Variants in KHDRBS3 observed in about 807,000 individuals in gnomAD.
KHDRBS3 encodes KH domain-containing, RNA-binding, signal transduction-associated protein 3.
In KHDRBS3, 23 loss-of-function variants were observed where a neutral mutation model predicts 45.6. That is an observed-to-expected ratio of 0.50 (90% CI 0.36 to 0.72). The LOEUF (loss-of-function observed/expected upper bound fraction) is 0.72, where lower values mean the gene tolerates loss of function less well. KHDRBS3 is among the 30% of genes least tolerant of loss of function. KHDRBS3 has a pLI of 0.00. For synonymous variants in KHDRBS3, 162 were observed against 156.5 expected (o/e 1.04, Z -0.26); for missense variants, 352 against 424.8 (o/e 0.83, Z 1.51).
At chr8:135,562,167 A>G (rs72732363) in intron 5 of KHDRBS3, among the ~76,000 whole-genome samples, 1 of 152,110 alleles carries the variant, frequency 6.6e-6, no homozygotes, top group South Asian at 2.1e-4. Context: ...ACCCAGAACA[A>G]CTTCCAGTCT....
intron 5 of KHDRBS3, among the ~76,000 whole-genome samples, chr8:135,558,765 C>T (rs1220575875): frequency 1.9e-5 from 2 of 106,052 alleles, no homozygotes; most frequent in Non-Finnish European, 3.7e-5. Flanking sequence ...GCTGCTGTGA[C>T]AAATTACCAC....
At position 135,631,567 on chromosome 8, in the gene KHDRBS3, G is replaced by C. The variant is rs112898016; in HGVS notation, c.891-13492G>C. Among the ~76,000 whole-genome samples the C allele has an allele frequency of 5.5e-3, 834 of 152,104 alleles. 7 individuals are homozygous for C. The highest frequency in any genetic ancestry group is 0.018 in the African/African-American group (760 of 41,488). On this transcript the variant is annotated intron_variant, in intron 7 of 8. Transcript: ENST00000355849. The stretch of plus-strand genomic sequence containing the variant: ...TCTACCTCCACATCTTGTGCCTCTG[G>C]AAGATCTTTAGGGACAGTAACATGC...
intron 6 of KHDRBS3, among the ~76,000 whole-genome samples, chr8:135,587,515 G>A (rs898751108): frequency 1.3e-5 from 2 of 152,064 alleles, no homozygotes; most frequent in Non-Finnish European, 2.9e-5. Flanking sequence ...GGGACCTTCC[G>A]CTCTACTTTT....
intron 1 of KHDRBS3, among the ~76,000 whole-genome samples, chr8:135,471,490 G>C (rs1822011262): frequency 6.6e-6 from 1 of 152,220 alleles, no homozygotes; most frequent in South Asian, 2.1e-4. Context: ...CCTGCTTAAA[G>C]AGTGTTCAGC....
At position 135,553,362 on chromosome 8, in the gene KHDRBS3, C is replaced by T. The variant is rs562324719; in HGVS notation, c.472-4086C>T. 1.2e-4 allele frequency among the ~76,000 whole-genome samples: 18 copies of T among 152,192 alleles called. No individual in the cohort carries two copies. The South Asian group carries it at 3.7e-3, about 32-fold the overall frequency. On this transcript the variant is annotated intron_variant, in intron 4 of 8. Transcript: ENST00000355849. ...TTTATTTTGCTTTTTATGGGGGAGG[C>T]TTTGCTGAGCTCCTCCCTTAGCTGT...
At chr8:135,487,020 C>G (rs928562359) in intron 1 of KHDRBS3, among the ~76,000 whole-genome samples, 1 of 152,152 alleles carries the variant, frequency 6.6e-6, no homozygotes, top group African/African-American at 2.4e-5. Context: ...CTATTTAAAA[C>G]AAATTTTCTT....
chr8:135,522,915 G>A (rs1563741334), intron 2 of KHDRBS3, among the ~76,000 whole-genome samples: 1 of 152,082 alleles, frequency 6.6e-6, no homozygotes, highest in Non-Finnish European at 1.5e-5. Context: ...GTTGAAAGAT[G>A]TTTCCCTCCA....
intron 3 of KHDRBS3, among the ~76,000 whole-genome samples, chr8:135,544,635 G>A (rs1028108783): frequency 1.3e-5 from 2 of 152,150 alleles, no homozygotes; most frequent in Admixed American, 6.5e-5. Flanking sequence ...GGATTAAGGT[G>A]CTCTAGCATC....
At chr8:135,633,732 C>T (rs541580629) in intron 7 of KHDRBS3, among the ~76,000 whole-genome samples, 21 of 152,204 alleles carry the variant, frequency 1.4e-4, no homozygotes, top group Non-Finnish European at 2.5e-4. Flanking sequence ...ATTTTTGCCA[C>T]AGTCCTAGAT....
chr8:135,602,562 T>A (rs1829263403), intron 6 of KHDRBS3, among the ~76,000 whole-genome samples: 1 of 142,646 alleles, frequency 7.0e-6, no homozygotes, highest in South Asian at 2.5e-4. Context: ...AACAGTATAC[T>A]GCTTAATATT....
At chr8:135,526,191 T>C (rs1338636105) in intron 2 of KHDRBS3, among the ~76,000 whole-genome samples, 1 of 152,094 alleles carries the variant, frequency 6.6e-6, no homozygotes, top group Non-Finnish European at 1.5e-5. Flanking sequence ...CACCTGACAA[T>C]GCATTTCTCG....
At position 135,641,695 on chromosome 8, in the gene KHDRBS3, G is replaced by A. The variant is rs563273974; in HGVS notation, c.891-3364G>A. ...GGCAGATGAACAGGAAGACTCCCAC[G>A]TGGAAGCCACACTCCCAAGGTGGCA... is the stretch of plus-strand genomic sequence containing the variant. On this transcript the variant is annotated intron_variant, in intron 7 of 8. Coordinates refer to ENST00000355849, the MANE Select transcript of KHDRBS3 (RefSeq NM_006558.3). Among the ~76,000 whole-genome samples, 363 of 152,324 alleles carry A rather than the reference G, an allele frequency of 2.4e-3. 1 individual carries two copies. Among genetic ancestry groups the A allele is most frequent in the African/African-American group, 8.5e-3 (352 of 41,568 alleles).
intron 1 of KHDRBS3, among the ~76,000 whole-genome samples, chr8:135,475,334 G>A (rs111901888): frequency 1.6e-4 from 24 of 151,948 alleles, no homozygotes; most frequent in African/African-American, 3.9e-4. Flanking sequence ...TTTTTGAGAC[G>A]GAGTTTCGCT....
intron 1 of KHDRBS3, among the ~76,000 whole-genome samples, chr8:135,506,885 T>C: frequency 1.4e-5 from 1 of 70,258 alleles, no homozygotes; most frequent in East Asian, 8.4e-4. Flanking sequence ...ACAAAACTAC[T>C]TTTGTTATAA....
chr8:135,458,184 G>C, intron 1 of KHDRBS3: 1 of 1,311,638 alleles, frequency 7.6e-7, no homozygotes, highest in Non-Finnish European at 9.7e-7. Context: ...GGGCGCATGG[G>C]TGAGACTTGA....
intron 4 of KHDRBS3, among the ~76,000 whole-genome samples, chr8:135,555,928 C>A (rs1266195023): frequency 6.6e-6 from 1 of 152,152 alleles, no homozygotes; most frequent in South Asian, 2.1e-4. Flanking sequence ...ATGTTCCCCT[C>A]ACTGTGTCCA....
chr8:135,583,119 G>GAGGT (rs1828294957), intron 6 of KHDRBS3, among the ~76,000 whole-genome samples: 1 of 151,804 alleles, frequency 6.6e-6, no homozygotes. Flanking sequence ...GGGAAATTTA[G>GAGGT]AGGTGGTAAT....
chr8:135,536,985 AAAAAAAAAAAAAGG>A (rs1477270313), intron 2 of KHDRBS3, among the ~76,000 whole-genome samples: 12,567 of 68,662 alleles, frequency 0.18, 1,895 homozygotes, highest in East Asian at 0.52. Context: ...AAAAAAAAAA[AAAAAAAAAAAAAGG>A]AGATGTTTAG....
At chr8:135,572,937 G>T (rs552616394) in intron 5 of KHDRBS3, among the ~76,000 whole-genome samples, 48 of 152,310 alleles carry the variant, frequency 3.2e-4, no homozygotes, top group African/African-American at 1.2e-3. Context: ...TCTCAGAAAA[G>T]CTCTCTCACA....
Sources: gnomAD v4.1 joint callset for allele counts (sites outside exome capture counted in the v4.1 genomes callset) on GRCh38, gnomAD v4.1.1 for gene constraint, MANE v1.5 for transcripts, NCBI Gene and HGNC (gene_info 2026-07-23, HGNC 2026-07-21) for gene names.